Variants in RBFOX3 observed in about 807,000 individuals in gnomAD.
The protein encoded by RBFOX3 is RNA binding protein fox-1 homolog 3.
In RBFOX3, 17 loss-of-function variants were observed where a neutral mutation model predicts 48.7. The observed-to-expected ratio is 0.35, with a 90% CI of 0.24 to 0.52. The LOEUF is 0.52. Among genes scored for constraint, RBFOX3 ranks in the 20% least tolerant of loss-of-function variants. RBFOX3 has a pLI of 0.94. For synonymous variants in RBFOX3, 212 were observed against 209.5 expected (o/e 1.01, Z -0.10); for missense variants, 382 against 497.5 (o/e 0.77, Z 2.21).
At chr17:79,126,140 A>G (rs1464594289) in intron 4 of RBFOX3, among the ~76,000 whole-genome samples, 1 of 152,210 alleles carries the variant, frequency 6.6e-6, no homozygotes, top group Non-Finnish European at 1.5e-5. Flanking sequence ...GGGACACCTC[A>G]GACTTCCTGG....
chr17:79,255,577 G>A (rs563612755), intron 3 of RBFOX3, among the ~76,000 whole-genome samples: 5 of 152,178 alleles, frequency 3.3e-5, no homozygotes, highest in African/African-American at 9.6e-5. Flanking sequence ...ATGAGCCAGC[G>A]GCCTTTAATG....
chr17:79,187,932 A>G (rs2053745634), intron 4 of RBFOX3, among the ~76,000 whole-genome samples: 1 of 152,202 alleles, frequency 6.6e-6, no homozygotes. Flanking sequence ...GAAACTCGTC[A>G]GCCTTTTTTT....
In RBFOX3 at chr17:79,521,101, C is replaced by T. The variant is rs2086003755; in HGVS notation, c.-319-38503G>A. On this transcript the variant is annotated intron_variant, in intron 1 of 14. Transcript: ENST00000693108. ...AAGAGGATGGGGGGCATGAGAGACA[C>T]AGCTTGTCCCCCTTACACCAGGTAA... Among the ~76,000 whole-genome samples the T allele has an allele frequency of 3.9e-5, 6 of 152,296 alleles. No homozygotes were observed. The South Asian group carries it at 1.2e-3, about 32-fold the overall frequency.
rs2145572743 is a variant in RBFOX3 at position 79,610,917 on chromosome 17, C to T, written c.-411G>A. On this transcript the variant is annotated 5_prime_UTR_variant, in exon 1 of 15. Transcript: ENST00000693108. The stretch of plus-strand genomic sequence containing the variant: ...CCGAGCGGGCAGCGGCGTCCTGGGG[C>T]CGCACAGGCACCGGCGAGCCAGCGG... Among the ~76,000 whole-genome samples the T allele has an allele frequency of 6.6e-6, 1 of 151,602 alleles. No individual in the cohort carries two copies. The highest frequency in any genetic ancestry group is 6.6e-5 in the Admixed American group (1 of 15,212).
At chr17:79,183,090 C>T (rs2052502037) in intron 4 of RBFOX3, among the ~76,000 whole-genome samples, 1 of 148,446 alleles carries the variant, frequency 6.7e-6, no homozygotes, top group African/African-American at 2.4e-5. Flanking sequence ...CGCTCGGCCG[C>T]CGCGCAGGGG....
intron 1 of RBFOX3, among the ~76,000 whole-genome samples, chr17:79,536,980 G>A (rs2088886100): frequency 6.6e-6 from 1 of 152,098 alleles, no homozygotes; most frequent in Admixed American, 6.5e-5. Context: ...AGCTACTTGG[G>A]AGGCTGAGGC....
intron 14 of RBFOX3, chr17:79,094,136 G>A: frequency 2.5e-6 from 1 of 395,638 alleles, no homozygotes; most frequent in Non-Finnish European, 4.5e-6. Context: ...TGGTGGAAAT[G>A]GGAATGGAGG....
At chr17:79,145,730 T>C (rs2042903145) in intron 4 of RBFOX3, among the ~76,000 whole-genome samples, 1 of 152,196 alleles carries the variant, frequency 6.6e-6, no homozygotes, top group Non-Finnish European at 1.5e-5. Flanking sequence ...GAGTGCATAG[T>C]TCCCACTCAG....
At chr17:79,565,045 A>AT (rs1375945423) in intron 1 of RBFOX3, among the ~76,000 whole-genome samples, 1 of 151,720 alleles carries the variant, frequency 6.6e-6, no homozygotes, top group Non-Finnish European at 1.5e-5. Flanking sequence ...GTCTCAAAAA[A>AT]AAAAAAAAAA....
chr17:79,202,909 A>G (rs772295975), intron 4 of RBFOX3, among the ~76,000 whole-genome samples: 3 of 152,168 alleles, frequency 2.0e-5, no homozygotes, highest in Non-Finnish European at 4.4e-5. Context: ...TAAGCCATAC[A>G]TGGAGCCCCG....
chr17:79,558,372 G>A (rs1438807133), intron 1 of RBFOX3, among the ~76,000 whole-genome samples: 1 of 152,218 alleles, frequency 6.6e-6, no homozygotes, highest in Admixed American at 6.5e-5. Flanking sequence ...CCCAGTGTCT[G>A]GTGACTGGCA....
intron 3 of RBFOX3, among the ~76,000 whole-genome samples, chr17:79,257,278 A>G (rs982673570): frequency 5.9e-5 from 9 of 152,232 alleles, no homozygotes; most frequent in African/African-American, 2.2e-4. Context: ...GTGCGGTTCC[A>G]GAGACACCAG....
In RBFOX3 at chr17:79,346,347, C is replaced by G. The variant is rs571013473; in HGVS notation, c.-174-38523G>C. 3.5e-4 allele frequency among the ~76,000 whole-genome samples: 53 copies of G among 152,190 alleles called. 1 individual carries two copies. The South Asian group carries it at 7.9e-3, about 23-fold the overall frequency. ...GTAACTACACAATTTTTTTTTCCAGCTCACTTTGTTAAACATCCCTGCCTT... is the reference window on the plus strand; with the variant it reads ...GTAACTACACAATTTTTTTTTCCAGGTCACTTTGTTAAACATCCCTGCCTT... On this transcript the variant is annotated intron_variant, in intron 2 of 14. Coordinates refer to ENST00000693108, the MANE Select transcript of RBFOX3 (RefSeq NM_001350451.2).
At chr17:79,610,198 C>T (rs900229588) in intron 1 of RBFOX3, among the ~76,000 whole-genome samples, 3 of 152,086 alleles carry the variant, frequency 2.0e-5, no homozygotes, top group African/African-American at 7.2e-5. Flanking sequence ...CAGCCCCTTC[C>T]TCCCCACAAC....
chr17:79,491,397 T>C (rs2080620458), intron 1 of RBFOX3, among the ~76,000 whole-genome samples: 1 of 151,518 alleles, frequency 6.6e-6, no homozygotes, highest in South Asian at 2.1e-4. Flanking sequence ...ATGATGAAGA[T>C]TTGGGTATTC....
Position 79,349,971 on chromosome 17 carries a change from C to T in RBFOX3, c.-174-42147G>A, listed in dbSNP as rs775055896. Reference sequence around the variant, plus strand: ...GTGCCCTCTGCTCCAGGAGGAGAGGCTCCAGAAAATCACAGTCCACATCGT... The same window carrying T: ...GTGCCCTCTGCTCCAGGAGGAGAGGTTCCAGAAAATCACAGTCCACATCGT... On this transcript the variant is annotated intron_variant, in intron 2 of 14. Coordinates refer to ENST00000693108, the MANE Select transcript of RBFOX3 (RefSeq NM_001350451.2). 1.4e-4 allele frequency among the ~76,000 whole-genome samples: 22 copies of T among 152,166 alleles called. 1 individual carries two copies. The highest frequency in any genetic ancestry group is 6.3e-3 in the Middle Eastern group (2 of 316).
At chr17:79,615,637 G>A (rs1039528253), upstream of RBFOX3, among the ~76,000 whole-genome samples, 68 of 152,290 alleles carry the variant, frequency 4.5e-4, no homozygotes, top group African/African-American at 1.5e-3. Context: ...GTGTTGCAGT[G>A]GAGTGCCTGT....
At chr17:79,378,544 C>G (rs577670492) in intron 2 of RBFOX3, among the ~76,000 whole-genome samples, 1 of 152,176 alleles carries the variant, frequency 6.6e-6, no homozygotes, top group Admixed American at 6.5e-5. Flanking sequence ...TGTTCACAGA[C>G]CCCAGGAAGC....
intron 3 of RBFOX3, among the ~76,000 whole-genome samples, chr17:79,257,345 C>A (rs548340138): frequency 2.9e-4 from 44 of 152,304 alleles, no homozygotes; most frequent in African/African-American, 8.9e-4. Flanking sequence ...AAGTGAAGTC[C>A]CAAAGGGTCC....
Sources: gnomAD v4.1 joint callset for allele counts (sites outside exome capture counted in the v4.1 genomes callset) on GRCh38, gnomAD v4.1.1 for gene constraint, MANE v1.5 for transcripts, NCBI Gene and HGNC (gene_info 2026-07-23, HGNC 2026-07-21) for gene names.